The following SPATA16 variants were observed in gnomAD, a reference collection of about 807,000 sequenced individuals.
SPATA16 encodes spermatogenesis associated 16.
Under a neutral mutation model 63.3 loss-of-function variants are expected in SPATA16, and 36 were observed. That is an observed-to-expected ratio of 0.57 (90% CI 0.44 to 0.75). The LOEUF is 0.75. SPATA16 is among the 30% of genes least tolerant of loss of function. SPATA16 has a pLI of 0.00. For missense variants in SPATA16, 646 were observed against 679.3 expected (o/e 0.95, Z 0.54); for synonymous variants, 203 against 216.7 (o/e 0.94, Z 0.56).
intron 2 of SPATA16, among the ~76,000 whole-genome samples, chr3:173,069,579 C>T (rs1736615925): frequency 6.6e-6 from 1 of 152,168 alleles, no homozygotes; most frequent in Admixed American, 6.5e-5. Context: ...AATACCATTC[C>T]TACTCTAACT....
intron 10 of SPATA16, among the ~76,000 whole-genome samples, chr3:172,913,059 C>T (rs1732406649): frequency 1.3e-5 from 2 of 152,170 alleles, no homozygotes; most frequent in South Asian, 4.1e-4. Context: ...GAACTTAATA[C>T]TTTGAGTTTG....
chr3:173,053,054 A>G (rs1398736937), intron 2 of SPATA16, among the ~76,000 whole-genome samples: 1 of 152,132 alleles, frequency 6.6e-6, no homozygotes, highest in Admixed American at 6.5e-5. Context: ...AAGAACCTAG[A>G]TGTTAAAAAT....
intron 10 of SPATA16, among the ~76,000 whole-genome samples, chr3:172,903,857 T>C (rs1732178819): frequency 6.6e-6 from 1 of 152,188 alleles, no homozygotes; most frequent in Non-Finnish European, 1.5e-5. Flanking sequence ...AGCTGTGACC[T>C]AGTGACAGAC....
chr3:172,895,584 C>T (rs1018539086), intron 10 of SPATA16, among the ~76,000 whole-genome samples: 3 of 152,070 alleles, frequency 2.0e-5, no homozygotes, highest in Non-Finnish European at 2.9e-5. Context: ...TTTCTGCTTG[C>T]GTCAGCCTCC....
intron 10 of SPATA16, among the ~76,000 whole-genome samples, chr3:172,901,409 AG>A (rs1416801827): frequency 1.4e-4 from 21 of 152,222 alleles, no homozygotes. Context: ...CATGATGGCC[AG>A]GCTGGTCTCA....
At chr3:172,992,799 C>G (rs767811951) in intron 4 of SPATA16, among the ~76,000 whole-genome samples, 27 of 152,232 alleles carry the variant, frequency 1.8e-4, no homozygotes, top group Non-Finnish European at 3.4e-4. Context: ...GGACTCCTCC[C>G]ATCAAAGGGT....
intron 2 of SPATA16, among the ~76,000 whole-genome samples, chr3:173,088,485 T>C (rs997266769): frequency 2.6e-5 from 4 of 151,520 alleles, no homozygotes; most frequent in African/African-American, 9.8e-5. Flanking sequence ...ATATTTTATA[T>C]GGAATTTTTA....
intron 2 of SPATA16, among the ~76,000 whole-genome samples, chr3:173,094,043 C>CTT (rs11351279): frequency 0.036 from 5,144 of 144,330 alleles, 136 homozygotes; most frequent in Non-Finnish European, 0.052. Flanking sequence ...ATTCCTTTTT[C>CTT]TTTTTTTTTT....
chr3:172,922,930 AAAAAC>A (rs1230684955), intron 8 of SPATA16, among the ~76,000 whole-genome samples: 10 of 152,190 alleles, frequency 6.6e-5, no homozygotes, highest in African/African-American at 2.4e-4. Flanking sequence ...TCAAAAAACA[AAAAAC>A]AAAAAACAAA....
At chr3:173,056,377 A>T (rs1736221887) in intron 2 of SPATA16, among the ~76,000 whole-genome samples, 1 of 152,140 alleles carries the variant, frequency 6.6e-6, no homozygotes, top group South Asian at 2.1e-4. Context: ...AACTTTTCTA[A>T]GTTCATGAAT....
intron 2 of SPATA16, among the ~76,000 whole-genome samples, chr3:173,069,112 G>GAAAAAAAAAAAAA (rs541801266): frequency 5.5e-5 from 6 of 109,126 alleles, no homozygotes; most frequent in African/African-American, 1.8e-4. Flanking sequence ...TCCGTCTCAA[G>GAAAAAAAAAAAAA]AAAAAAAAAA....
At chr3:173,049,150 T>G in intron 2 of SPATA16, 56 bp from the exon 3 acceptor site, 2 of 1,532,654 alleles carry the variant, frequency 1.3e-6, no homozygotes, top group Non-Finnish European at 1.8e-6. Flanking sequence ...AATTTATCTT[T>G]TAAATAAGCA....
At position 172,954,746 on chromosome 3, in the gene SPATA16, C is replaced by G. The variant is rs557014230; in HGVS notation, c.1081+1931G>C. On this transcript the variant is annotated intron_variant, in intron 6 of 10. Transcript: ENST00000351008. The stretch of plus-strand genomic sequence containing the variant: ...TAGTAACAGTTCTTTCACCATTATT[C>G]CAGCAATGGCTTTGGGGAAACCCTT... Among the ~76,000 whole-genome samples the G allele has an allele frequency of 2.6e-5, 4 of 152,278 alleles. No homozygotes were observed. The South Asian group carries it at 6.2e-4, about 24-fold the overall frequency.
At chr3:172,998,291 G>C (rs892194736) in intron 4 of SPATA16, among the ~76,000 whole-genome samples, 3 of 152,008 alleles carry the variant, frequency 2.0e-5, no homozygotes, top group Admixed American at 2.0e-4. Context: ...ATTTGTTTTG[G>C]CACTAATGTA....
At chr3:173,066,135 G>A (rs1432972335) in intron 2 of SPATA16, among the ~76,000 whole-genome samples, 1 of 152,074 alleles carries the variant, frequency 6.6e-6, no homozygotes, top group Non-Finnish European at 1.5e-5. Flanking sequence ...CTCAGCCACA[G>A]TAAAATAGAG....
intron 5 of SPATA16, among the ~76,000 whole-genome samples, chr3:172,975,894 G>T (rs1316733263): frequency 6.6e-6 from 1 of 151,616 alleles, no homozygotes; most frequent in African/African-American, 2.4e-5. Context: ...AAAAAACTAG[G>T]GTCCAAGACA....
At chr3:173,046,746 C>T (rs1735963387) in intron 3 of SPATA16, among the ~76,000 whole-genome samples, 1 of 151,864 alleles carries the variant, frequency 6.6e-6, no homozygotes, top group South Asian at 2.1e-4. Flanking sequence ...TTATCAAATA[C>T]ATTTGTTGAC....
At chr3:173,092,960 T>C (rs1737259522) in intron 2 of SPATA16, among the ~76,000 whole-genome samples, 2 of 152,042 alleles carry the variant, frequency 1.3e-5, no homozygotes, top group South Asian at 4.1e-4. Flanking sequence ...TTCTCTATCA[T>C]TGTACTGTAT....
chr3:173,099,748 TG>T (rs2108324680), intron 2 of SPATA16, among the ~76,000 whole-genome samples: 1 of 152,270 alleles, frequency 6.6e-6, no homozygotes, highest in East Asian at 1.9e-4. Context: ...GTGATAGTCA[TG>T]TTGTGTGGGG....
Sources: allele counts gnomAD v4.1 joint callset (sites outside exome capture counted in the v4.1 genomes callset), GRCh38; gene constraint gnomAD v4.1.1; transcripts MANE v1.5; gene names NCBI Gene and HGNC (gene_info 2026-07-23, HGNC 2026-07-21).